The following PRORP variants were observed in gnomAD, a reference collection of about 807,000 sequenced individuals.
The protein encoded by PRORP is protein only RNase P catalytic subunit.
A neutral mutation model predicts 59.4 loss-of-function variants in PRORP; 51 were observed. That is an observed-to-expected ratio of 0.86 (90% confidence interval 0.69 to 1.08). The LOEUF is 1.08. Among genes scored for constraint, PRORP ranks in the 50% least tolerant of loss-of-function variants. PRORP has a pLI of 0.00. For synonymous variants in PRORP, 231 were observed against 245.6 expected, an observed-to-expected ratio of 0.94 and a Z score of 0.55; for missense variants, 646 against 690.3, an observed-to-expected ratio of 0.94 and a Z score of 0.72.
chr14:35,249,393 G>A lies in PRORP; in HGVS notation c.1276-17334G>A, dbSNP rs949633320. 4.0e-5 allele frequency among the ~76,000 whole-genome samples: 6 copies of A among 151,880 alleles called. 1 individual carries two copies. Among genetic ancestry groups the A allele is most frequent in the Admixed American group, 2.0e-4 (3 of 15,240 alleles). On this transcript the variant is annotated intron_variant, in intron 5 of 7. Coordinates refer to ENST00000534898, the MANE Select transcript of PRORP (RefSeq NM_014672.4). The stretch of plus-strand genomic sequence containing the variant: ...GCCCAGGAGTTCAAGACCAGCCTGG[G>A]CAACATCATGAGACCCTATCTCTAC...
chr14:35,129,641 AT>A (rs1014815543), intron 4 of PRORP, among the ~76,000 whole-genome samples: 51 of 146,180 alleles, frequency 3.5e-4, no homozygotes, highest in Middle Eastern at 3.4e-3. Context: ...TGCCCAGCAA[AT>A]TTTTTTTTTT....
At chr14:35,224,548 C>G (rs2049883018) in intron 5 of PRORP, among the ~76,000 whole-genome samples, 1 of 152,134 alleles carries the variant, frequency 6.6e-6, no homozygotes, top group Admixed American at 6.5e-5. Context: ...AATTTGAATT[C>G]AAGAAACCTG....
At chr14:35,126,921 T>TA (rs1460909844) in intron 3 of PRORP, 139 bp downstream of exon 3, 1 of 657,356 alleles carries the variant, frequency 1.5e-6, no homozygotes, top group Non-Finnish European at 2.6e-6. Flanking sequence ...GAAAAAAACA[T>TA]ACTTTGCATA....
intron 4 of PRORP, among the ~76,000 whole-genome samples, chr14:35,130,686 G>A (rs1046108243): frequency 6.6e-6 from 1 of 151,872 alleles, no homozygotes; most frequent in African/African-American, 2.4e-5. Flanking sequence ...GTTTCACCAT[G>A]TTGGCCAGGC....
intron 5 of PRORP, among the ~76,000 whole-genome samples, chr14:35,234,185 C>A (rs1213038900): frequency 6.6e-6 from 1 of 152,140 alleles, no homozygotes; most frequent in Non-Finnish European, 1.5e-5. Flanking sequence ...TGTTTACTTG[C>A]ACGTCATTGT....
Position 35,174,736 on chromosome 14 carries a change from CTTCTTTTTTTT to C in PRORP, c.1168-5920_1168-5910del, listed in dbSNP as rs1388690775. ...GACTTAGAGATTTTGACAGTTCATT[CTTCTTTTTTTT>C]TTCTTTTTTTTTTTTTTATTATACT... On this transcript the variant is annotated intron_variant, in intron 4 of 7. Coordinates refer to ENST00000534898, the MANE Select transcript of PRORP (RefSeq NM_014672.4). 1.1e-4 allele frequency among the ~76,000 whole-genome samples: 12 copies of C among 107,704 alleles called. No homozygotes were observed. In the South Asian group the frequency reaches 2.2e-3, roughly 20 times the overall value. 70.7% of individuals were successfully genotyped at this position (107,704 alleles called of 152,430 possible).
At chr14:35,201,631 T>TTTTATTTATTTA (rs762557804) in intron 5 of PRORP, among the ~76,000 whole-genome samples, 1,916 of 151,574 alleles carry the variant, frequency 0.013, 32 homozygotes, top group African/African-American at 0.042. Context: ...GTATACAAAA[T>TTTTATTTATTTA]TTTATTTATT....
intron 5 of PRORP, among the ~76,000 whole-genome samples, chr14:35,258,653 G>A (rs994414865): frequency 6.6e-6 from 1 of 152,100 alleles, no homozygotes; most frequent in African/African-American, 2.4e-5. Context: ...GGGCAGGCAG[G>A]GTGTGGGGGC....
Position 35,123,963 on chromosome 14 carries a change from A to T in PRORP, c.718A>T (p.Ile240Leu). The change falls in exon 2 of 8, where the codon ATA becomes TTA. Residue 240 changes from isoleucine to leucine, a missense_variant. Ile to Leu is a conservative substitution (Grantham distance 5). Coordinates refer to ENST00000534898, the MANE Select transcript of PRORP (RefSeq NM_014672.4). ...GCTGTTAGAGGACATCAAAAAAGTT[A>T]TAACTCCTTCAAAAAAGAACTATAA... ...LLLLEDIKKV[I>L]TPSKKNYNDC... The T allele has an allele frequency of 1.2e-6, 2 of 1,614,198 alleles. No individual in the cohort carries two copies. The highest frequency in any genetic ancestry group is 1.7e-6 in the Non-Finnish European group (2 of 1,180,016).
chr14:35,161,336 G>A (rs1020160119), intron 4 of PRORP, among the ~76,000 whole-genome samples: 4 of 152,178 alleles, frequency 2.6e-5, no homozygotes, highest in Admixed American at 6.5e-5. Flanking sequence ...GTAAGGCCCA[G>A]AGAAGTGAAG....
At chr14:35,218,046 A>G (rs2049650442) in intron 5 of PRORP, among the ~76,000 whole-genome samples, 1 of 152,194 alleles carries the variant, frequency 6.6e-6, no homozygotes, top group Non-Finnish European at 1.5e-5. Context: ...CATTTAAAAA[A>G]TAAATAATGG....
chr14:35,179,544 T>C (rs141296257), intron 4 of PRORP, among the ~76,000 whole-genome samples: 5,936 of 152,320 alleles, frequency 0.039, 163 homozygotes, highest in Non-Finnish European at 0.06. Context: ...TACTGAAGCT[T>C]GTGCATTCGT....
chr14:35,125,942 C>G (rs1429871404), intron 2 of PRORP, among the ~76,000 whole-genome samples: 2 of 152,108 alleles, frequency 1.3e-5, no homozygotes, highest in Non-Finnish European at 2.9e-5. Flanking sequence ...TCACTTGAAT[C>G]TAGGGAGTCA....
chr14:35,165,078 A>G (rs1052265307), intron 4 of PRORP, among the ~76,000 whole-genome samples: 5 of 152,210 alleles, frequency 3.3e-5, no homozygotes, highest in East Asian at 1.9e-4. Context: ...GGAAATAACT[A>G]TTATAGTGCA....
At chr14:35,170,484 CTT>C (rs1392415679) in intron 4 of PRORP, among the ~76,000 whole-genome samples, 1 of 152,032 alleles carries the variant, frequency 6.6e-6, no homozygotes, top group African/African-American at 2.4e-5. Context: ...GAATCCTTAA[CTT>C]AATTCAGTTT....
chr14:35,277,212 G>A lies in PRORP; in HGVS notation c.*3646G>A, dbSNP rs1364887055. The A allele has an allele frequency of 6.6e-6, 1 of 152,192 alleles. No homozygotes were observed. 9.4% of individuals were successfully genotyped at this position (152,192 alleles called of 1,614,324 possible). A position where few individuals can be genotyped will look rare whatever the true frequency, so the allele number is the denominator to read the frequency against. On this transcript the variant is annotated 3_prime_UTR_variant, in exon 8 of 8. Coordinates refer to ENST00000534898, the MANE Select transcript of PRORP (RefSeq NM_014672.4). ...GGCTAATTTTTGCATTTTTAGTAGA[G>A]ACGGGTTTTCACCATGTTGCCCCGG...
intron 5 of PRORP, among the ~76,000 whole-genome samples, chr14:35,206,757 A>G (rs1315626063): frequency 6.6e-6 from 1 of 152,110 alleles, no homozygotes; most frequent in Non-Finnish European, 1.5e-5. Flanking sequence ...TCTCCTTTCT[A>G]AGGTGGGAGT....
At chr14:35,255,137 T>A (rs1176846054) in intron 5 of PRORP, among the ~76,000 whole-genome samples, 1 of 152,176 alleles carries the variant, frequency 6.6e-6, no homozygotes, top group Non-Finnish European at 1.5e-5. Context: ...GTTGTTTTTT[T>A]GTTTTTTTGA....
intron 5 of PRORP, among the ~76,000 whole-genome samples, chr14:35,215,785 G>T (rs920347934): frequency 2.3e-4 from 34 of 151,074 alleles, no homozygotes; most frequent in Non-Finnish European, 4.6e-4. Context: ...TTTTCTTGGG[G>T]GGACAGGGTC....
Sources: gnomAD v4.1 joint callset for allele counts (sites outside exome capture counted in the v4.1 genomes callset) on GRCh38, gnomAD v4.1.1 for gene constraint, MANE v1.5 for transcripts, NCBI Gene and HGNC (gene_info 2026-07-23, HGNC 2026-07-21) for gene names.